REXO1: variants seen among roughly 807,000 people sequenced by gnomAD.
REXO1 encodes the protein RNA exonuclease 1 homolog.
A neutral mutation model predicts 102.6 loss-of-function variants in REXO1; 42 were observed. The ratio of observed to expected loss-of-function variants is 0.41; its 90% confidence interval spans 0.32 to 0.53. The LOEUF is 0.53. REXO1 is among the 20% of genes least tolerant of loss of function. REXO1 has a pLI of 0.27. For missense variants in REXO1, 1,819 were observed against 1,732.5 expected, an observed-to-expected ratio of 1.05 and a Z score of -0.89; for synonymous variants, 908 against 779.1, an observed-to-expected ratio of 1.17 and a Z score of -2.76.
intron 10 of REXO1, 138 bp downstream of exon 10, chr19:1,818,344 A>G (rs1185635450): frequency 3.0e-6 from 2 of 656,386 alleles, no homozygotes; most frequent in Non-Finnish European, 5.3e-6. Context: ...CGGCTCTGCC[A>G]AAGACGGTGC....
At chr19:1,821,762 G>A (rs768935672) in intron 4 of REXO1, 80 bp from the exon 5 acceptor site, 15 of 1,354,734 alleles carry the variant, frequency 1.1e-5, no homozygotes, top group East Asian at 7.3e-5. Context: ...AGCCGCGGCC[G>A]CTCAGCGCCA....
chr19:1,845,401 C>T (rs980031262), intron 1 of REXO1, among the ~76,000 whole-genome samples: 7 of 152,322 alleles, frequency 4.6e-5, no homozygotes, highest in African/African-American at 9.6e-5. Flanking sequence ...CGGTGCTTCA[C>T]GCCTGTCATC....
At position 1,815,590 on chromosome 19, in the gene REXO1, C is replaced by T. The variant is rs776046948; in HGVS notation, c.*476G>A. On this transcript the variant is annotated 3_prime_UTR_variant, in exon 16 of 16. Transcript: ENST00000170168. The surrounding 1 kb of genome is among the most constrained non-coding windows in gnomAD (Gnocchi z 4.0). ...CCCGCAGGAGGGAAGGCAGCAGGCC[C>T]GCTCTTCCCGGTGGGAAAGATGCTG... 15 of 940,294 alleles carry T rather than the reference C, an allele frequency of 1.6e-5. No individual in the cohort carries two copies. Among genetic ancestry groups the T allele is most frequent in the South Asian group, 4.0e-5 (2 of 50,388 alleles). The allele number at this position is 940,294 out of a possible 1,614,324, so 58.2% of individuals were successfully genotyped here.
intron 11 of REXO1, 79 bp from the exon 12 acceptor site, chr19:1,817,408 C>T (rs766449707): frequency 1.3e-4 from 204 of 1,570,992 alleles, no homozygotes; most frequent in Admixed American, 1.3e-4. Context: ...CATCTCTGAG[C>T]CCTTCGGGAC....
chr19:1,848,116 G>C (rs924395014), intron 1 of REXO1, 86 bp downstream of exon 1: 1 of 685,434 alleles, frequency 1.5e-6, no homozygotes, highest in Non-Finnish European at 2.0e-6. Context: ...GCTGGGCCGA[G>C]AACGGGGACC....
At chr19:1,824,452 T>C (rs1444295825) in intron 3 of REXO1, 1 of 152,272 alleles carries the variant, frequency 6.6e-6, no homozygotes, top group Non-Finnish European at 1.5e-5. Context: ...ATAAGGTGTC[T>C]TCAAAAAGCT....
chr19:1,815,544 T>G lies in REXO1; in HGVS notation c.*522A>C, dbSNP rs2069335072. 2.2e-6 allele frequency: 1 copy of G among 460,406 alleles called. No individual in the cohort carries two copies. Among genetic ancestry groups the G allele is most frequent in the South Asian group, 3.1e-5 (1 of 31,758 alleles). 28.5% of individuals were successfully genotyped at this position (460,406 alleles called of 1,614,324 possible). ...CGCTGAGTGTGGCCCTGGCCCCCAC[T>G]GGGGTCTGTCCCACCCCCACCCCGC... On this transcript the variant is annotated 3_prime_UTR_variant, in exon 16 of 16. Coordinates refer to ENST00000170168, the MANE Select transcript of REXO1 (RefSeq NM_020695.4). This position sits in a 1 kb window ranked among gnomAD's most constrained non-coding sequence, Gnocchi z 4.0.
chr19:1,846,710 C>T (rs952997838), intron 1 of REXO1, among the ~76,000 whole-genome samples: 1 of 152,094 alleles, frequency 6.6e-6, no homozygotes, highest in Non-Finnish European at 1.5e-5. Context: ...GACAACATAG[C>T]GAGACCCTAT....
intron 1 of REXO1, among the ~76,000 whole-genome samples, chr19:1,830,491 A>G (rs547147969): frequency 7.4e-4 from 113 of 152,370 alleles, no homozygotes; most frequent in Non-Finnish European, 1.2e-3. Context: ...CCTGGACAAC[A>G]AAACAAGACC....
chr19:1,834,910 C>T (rs1181708070), intron 1 of REXO1: 1 of 381,488 alleles, frequency 2.6e-6, no homozygotes, highest in Middle Eastern at 3.6e-4. Context: ...ACGGCCTCTC[C>T]TCCCTGTGGT....
intron 1 of REXO1, among the ~76,000 whole-genome samples, chr19:1,843,259 C>A (rs1194744951): frequency 6.0e-5 from 9 of 150,174 alleles, no homozygotes; most frequent in Non-Finnish European, 8.9e-5. Context: ...TTCAACCCCC[C>A]GCCCGGAGGG....
chr19:1,818,888 G>T, intron 8 of REXO1, 45 bp from the exon 9 acceptor site: 1 of 1,597,862 alleles, frequency 6.3e-7, no homozygotes, highest in Middle Eastern at 1.8e-4. Flanking sequence ...GATGGCCCAC[G>T]GGGCGGTAGA....
rs1485975221 is a variant in REXO1 at position 1,821,947 on chromosome 19, G to A, written c.2231-265C>T. 3.8e-5 allele frequency: 21 copies of A among 554,008 alleles called. 1 individual carries two copies. Among genetic ancestry groups the A allele is most frequent in the South Asian group, 2.2e-4 (9 of 40,716 alleles). The allele number at this position is 554,008 out of a possible 1,614,324, so 34.3% of individuals were successfully genotyped here. Reference sequence around the variant, plus strand: ...GTGGGGTGGTCCAGGCCTCTGCCACGTGTTCTGACCCCAAGCCCAAGGCGT... The same window carrying A: ...GTGGGGTGGTCCAGGCCTCTGCCACATGTTCTGACCCCAAGCCCAAGGCGT... On this transcript the variant is annotated intron_variant, in intron 4 of 15. Transcript: ENST00000170168.
rs745628483 is a variant in REXO1, at chr19:1,827,472, C to A, written c.1317G>T (p.Ser439=). The part of the protein sequence containing the change: ...RPEGTKKKPS[S]ATPVATSGKG... ...TCCCTGAGGTGGCCACAGGAGTGGCCGAAGATGGCTTCTTCTTGGTCCCTT... is the reference window on the plus strand; with the variant it reads ...TCCCTGAGGTGGCCACAGGAGTGGCAGAAGATGGCTTCTTCTTGGTCCCTT... Residue 439 remains serine (S), a synonymous_variant, in exon 2 of 16, where the codon TCG becomes TCT. Coordinates refer to ENST00000170168, the MANE Select transcript of REXO1 (RefSeq NM_020695.4). 4 of 1,572,396 alleles carry A rather than the reference C, an allele frequency of 2.5e-6. No homozygotes were observed. The Admixed American group carries it at 6.1e-5, about 24-fold the overall frequency.
chr19:1,848,303 G>T lies in REXO1; in HGVS notation c.56C>A (p.Ala19Glu). ...GGGCCGCCGGCAGGGCCCCCCGGGCGCCCCAGACCAATAGGGGCAGTCAAT... is the reference window on the plus strand; with the variant it reads ...GGGCCGCCGGCAGGGCCCCCCGGGCTCCCCAGACCAATAGGGGCAGTCAAT... ...RAIDCPYWSGAPGGPCRRPYC... is the reference protein window; with the variant it reads ...RAIDCPYWSGEPGGPCRRPYC... The change falls in exon 1 of 16, where the codon GCG becomes GAG. Residue 19 changes from alanine to glutamate, a missense_variant. Physicochemically the swap from Ala to Glu is moderately radical, Grantham distance 107. Coordinates refer to ENST00000170168, the MANE Select transcript of REXO1 (RefSeq NM_020695.4). The T allele has an allele frequency of 8.1e-7, 1 of 1,230,920 alleles. No individual in the cohort carries two copies. The highest frequency in any genetic ancestry group is 1.0e-6 in the Non-Finnish European group (1 of 980,778). The allele number at this position is 1,230,920 out of a possible 1,614,324, so 76.2% of individuals were successfully genotyped here.
chr19:1,820,192 G>A (rs2069490097), intron 6 of REXO1, 72 bp downstream of exon 6: 5 of 1,564,412 alleles, frequency 3.2e-6, no homozygotes, highest in Admixed American at 2.0e-5. Flanking sequence ...TGAGAGGCCG[G>A]GGGATGTCTG....
chr19:1,824,892 T>C (rs1481629377), intron 3 of REXO1, among the ~76,000 whole-genome samples: 1 of 151,970 alleles, frequency 6.6e-6, no homozygotes, highest in African/African-American at 2.4e-5. Flanking sequence ...TTCAAGCAAT[T>C]CTCCTGCCTC....
chr19:1,838,149 G>C (rs1009784586), intron 1 of REXO1, among the ~76,000 whole-genome samples: 2 of 152,030 alleles, frequency 1.3e-5, no homozygotes, highest in African/African-American at 2.4e-5. Flanking sequence ...GGGAAACCCC[G>C]TCCCTACTAA....
At chr19:1,843,863 C>T (rs559484374) in intron 1 of REXO1, among the ~76,000 whole-genome samples, 3 of 152,358 alleles carry the variant, frequency 2.0e-5, no homozygotes, top group South Asian at 2.1e-4. Flanking sequence ...CAGCACAGGA[C>T]GCAGCCAGCG....
Sources: gnomAD v4.1 joint callset for allele counts (sites outside exome capture counted in the v4.1 genomes callset) on GRCh38, gnomAD v4.1.1 for gene constraint, Gnocchi (gnomAD v3.1) non-coding constraint, MANE v1.5 for transcripts, NCBI Gene and HGNC (gene_info 2026-07-23, HGNC 2026-07-21) for gene names.